The following DUSP18 variants were observed in gnomAD, a reference collection of about 807,000 sequenced individuals.
DUSP18 encodes dual specificity protein phosphatase 18.
DUSP18 carries 4 observed loss-of-function variants against 6.3 expected under a neutral mutation model. The ratio of observed to expected loss-of-function variants is 0.63; its 90% CI spans 0.31 to 1.45. The LOEUF (loss-of-function observed/expected upper bound fraction) is 1.45. Ranked by LOEUF, DUSP18 falls within the 40% of genes most tolerant of loss-of-function variation. The probability of loss-of-function intolerance (pLI) is 0.07; values close to 1 mark genes in which losing one functional copy is unlikely to be tolerated. For synonymous variants in DUSP18, 96 were observed against 95.1 expected (o/e 1.01, Z -0.05); for missense variants, 235 against 247.7 (o/e 0.95, Z 0.34).
downstream of DUSP18, among the ~76,000 whole-genome samples, chr22:30,659,992 C>G (rs183919791): frequency 6.6e-6 from 1 of 152,338 alleles, no homozygotes; most frequent in East Asian, 1.9e-4. Context: ...CAACCCCCAG[C>G]TGACAGCTAA....
chr22:30,661,348 G>A (rs1055735372), downstream of DUSP18: 21 of 151,968 alleles, frequency 1.4e-4, no homozygotes, highest in Non-Finnish European at 2.2e-4. Flanking sequence ...GAGTTGGGAT[G>A]CTCAAGTAAT....
downstream of DUSP18, among the ~76,000 whole-genome samples, chr22:30,658,141 C>A (rs1049572988): frequency 2.0e-5 from 3 of 151,004 alleles, 1 homozygote; most frequent in Admixed American, 2.0e-4. Context: ...AAAACTGAAT[C>A]TCTCGGGGTT....
intron 1 of DUSP18, chr22:30,665,017 C>G (rs545361119): frequency 5.2e-5 from 8 of 152,710 alleles, no homozygotes; most frequent in Non-Finnish European, 8.8e-5. Context: ...AGATCTGCTT[C>G]CCGCGCCGCA....
chr22:30,654,232 C>T (rs1437013574), intron 2 of DUSP18: 1 of 367,906 alleles, frequency 2.7e-6, no homozygotes, highest in Non-Finnish European at 5.3e-6. Flanking sequence ...GATCTGCCCG[C>T]CTCCGCCTCC....
rs1180435228 is a variant in DUSP18 at position 30,667,826 on chromosome 22, G to C, written c.-442C>G. 1 of 152,608 alleles carries C rather than the reference G, an allele frequency of 6.6e-6. No homozygotes were observed. The allele number at this position is 152,608 out of a possible 1,614,324, so 9.5% of individuals were successfully genotyped here. A position where few individuals can be genotyped will look rare whatever the true frequency, so the allele number is the denominator to read the frequency against. ...TACGGCAACGGGCCGGGTCGCACCA[G>C]GGCTGCAGCCGAGAGACAGTCTCAC... is the stretch of plus-strand genomic sequence containing the variant. On this transcript the variant is annotated 5_prime_UTR_variant, in exon 1 of 2. Transcript: ENST00000334679.
chr22:30,667,037 G>A (rs532811875), intron 1 of DUSP18: 9 of 152,302 alleles, frequency 5.9e-5, no homozygotes, highest in African/African-American at 2.2e-4. Flanking sequence ...AGAACGTTTA[G>A]CTTGAGAGGG....
downstream of DUSP18, among the ~76,000 whole-genome samples, chr22:30,658,881 A>T (rs920727129): frequency 6.6e-6 from 1 of 152,100 alleles, no homozygotes; most frequent in Non-Finnish European, 1.5e-5. Flanking sequence ...GCGGTGGCTC[A>T]CGCCTGTAAT....
chr22:30,653,316 T>C (rs1352208739), intron 2 of DUSP18, among the ~76,000 whole-genome samples: 1 of 151,930 alleles, frequency 6.6e-6, no homozygotes. Flanking sequence ...TTTCAGTGTC[T>C]AGGTCTCCTG....
intron 2 of DUSP18, among the ~76,000 whole-genome samples, chr22:30,655,429 CAAAAAAAAAAA>C (rs5844917): frequency 9.0e-6 from 1 of 111,676 alleles, no homozygotes; most frequent in Admixed American, 8.8e-5. Context: ...GAGATCCTAC[CAAAAAAAAAAA>C]AAAAAAAAGA....
intron 1 of DUSP18, chr22:30,664,962 A>G (rs2088594885): frequency 1.3e-5 from 2 of 152,562 alleles, no homozygotes; most frequent in Admixed American, 1.3e-4. Flanking sequence ...CACCTGCTCG[A>G]TAGGCTCAGT....
At chr22:30,666,926 A>G (rs2088693107) in intron 1 of DUSP18, 1 of 152,244 alleles carries the variant, frequency 6.6e-6, no homozygotes, top group African/African-American at 2.4e-5. Flanking sequence ...TAGGGAAGTT[A>G]AAATGCAGGG....
chr22:30,666,464 A>T (rs938224825), intron 1 of DUSP18, among the ~76,000 whole-genome samples: 3 of 152,084 alleles, frequency 2.0e-5, no homozygotes, highest in Non-Finnish European at 2.9e-5. Flanking sequence ...TCTACTAAAA[A>T]TACAAAAATT....
At chr22:30,661,444 C>CTTTTTTTTTTTTTTT (rs56242112), downstream of DUSP18, 1 of 136,480 alleles carries the variant, frequency 7.3e-6, no homozygotes, top group Non-Finnish European at 1.5e-5. Context: ...TTTTCTTTTT[C>CTTTTTTTTTTTTTTT]TTTTTTTTTT....
At chr22:30,656,424 C>T (rs2088339329) in intron 2 of DUSP18, among the ~76,000 whole-genome samples, 1 of 152,170 alleles carries the variant, frequency 6.6e-6, no homozygotes, top group African/African-American at 2.4e-5. Flanking sequence ...ACAGCATGTC[C>T]CTGTTTATCT....
chr22:30,657,945 T>C (rs1181656267), downstream of DUSP18, among the ~76,000 whole-genome samples: 1 of 145,698 alleles, frequency 6.9e-6, no homozygotes, highest in Non-Finnish European at 1.5e-5. Flanking sequence ...ATAATAATAA[T>C]AATAATAATG....
chr22:30,657,458 CA>C (rs35221023), downstream of DUSP18, among the ~76,000 whole-genome samples: 89,624 of 140,628 alleles, frequency 0.64, 28,756 homozygotes, highest in East Asian at 0.81. Context: ...GACTCTGTCT[CA>C]AAAAAAAAAA....
intron 1 of DUSP18, chr22:30,666,872 A>G (rs993874363): frequency 1.3e-5 from 2 of 152,164 alleles, no homozygotes; most frequent in African/African-American, 2.4e-5. Context: ...GGCTTGGCAT[A>G]GAGTAAGCCC....
chr22:30,662,030 A>ATTTTTTTTTTTTTT lies in DUSP18; in HGVS notation c.*1393_*1406dup, dbSNP rs33914926. ...GGTAGGGTCTGAAAGGACTTAAACC[A>ATTTTTTTTTTTTTT]TTTTTTTTTTTTTTTTTTTTTACAC... On this transcript the variant is annotated 3_prime_UTR_variant, in exon 2 of 2. Transcript: ENST00000334679. The ATTTTTTTTTTTTTT allele has an allele frequency of 1.5e-5, 2 of 132,196 alleles. No homozygotes were observed. Among genetic ancestry groups the ATTTTTTTTTTTTTT allele is most frequent in the Non-Finnish European group, 1.6e-5 (1 of 63,688 alleles). The allele number at this position is 132,196 out of a possible 1,614,324, so 8.2% of individuals were successfully genotyped here. A position where few individuals can be genotyped will look rare whatever the true frequency, so the allele number is the denominator to read the frequency against.
rs746559561 is a variant in DUSP18, at chr22:30,663,797, T to A, written c.207A>T (p.Val69=). 2 of 1,614,210 alleles carry A rather than the reference T, an allele frequency of 1.2e-6. No individual in the cohort carries two copies. Among genetic ancestry groups the A allele is most frequent in the South Asian group, 1.1e-5 (1 of 91,086 alleles). ...GTGAGTTAGGGGAGTCAGCCACAGG[T>A]ACCTGCATGTACTGGATATCCTCAT... The part of the protein sequence containing the change: ...TLYEDIQYMQ[V]PVADSPNSRL... The change falls in exon 2 of 2, where the codon GTA becomes GTT. Residue 69 remains valine (V), a synonymous_variant. Coordinates refer to ENST00000334679, the MANE Select transcript of DUSP18 (RefSeq NM_152511.5).
Sources: allele counts gnomAD v4.1 joint callset (sites outside exome capture counted in the v4.1 genomes callset), GRCh38; gene constraint gnomAD v4.1.1; transcripts MANE v1.5; gene names NCBI Gene and HGNC (gene_info 2026-07-23, HGNC 2026-07-21).